TTC27: variants seen among roughly 807,000 people sequenced by gnomAD.
TTC27 encodes the protein tetratricopeptide repeat protein 27.
Under a neutral mutation model 115.9 loss-of-function variants are expected in TTC27, and 79 were observed. The ratio of observed to expected loss-of-function variants is 0.68; its 90% CI spans 0.57 to 0.82. TTC27 has a LOEUF of 0.82. Among genes scored for constraint, TTC27 ranks in the 40% least tolerant of loss-of-function variants. The pLI, the probability that TTC27 is intolerant of heterozygous loss-of-function variation, is 0.00. For missense variants in TTC27, 1,054 were observed against 993.1 expected (o/e 1.06, Z -0.82); for synonymous variants, 401 against 356.0 (o/e 1.13, Z -1.42).
At chr2:32,806,717 G>C (rs1380489886) in intron 16 of TTC27, among the ~76,000 whole-genome samples, 3 of 151,910 alleles carry the variant, frequency 2.0e-5, no homozygotes, top group African/African-American at 7.3e-5. Flanking sequence ...AGAGGCAGAG[G>C]TTGCAGTGAG....
intron 6 of TTC27, 46 bp from the exon 7 acceptor site, chr2:32,666,589 A>G: frequency 6.2e-7 from 1 of 1,601,916 alleles, no homozygotes; most frequent in Non-Finnish European, 8.5e-7. Flanking sequence ...ACTGTACAGT[A>G]GATCTCATGG....
At chr2:32,820,155 T>C (rs3769558) in intron 19 of TTC27, among the ~76,000 whole-genome samples, 97,750 of 152,140 alleles carry the variant, frequency 0.64, 32,095 homozygotes, top group African/African-American at 0.78. Context: ...CACGTGCACA[T>C]GTGTGCACAC....
At chr2:32,706,593 T>C (rs902723863) in intron 10 of TTC27, among the ~76,000 whole-genome samples, 2 of 152,112 alleles carry the variant, frequency 1.3e-5, no homozygotes, top group East Asian at 3.9e-4. Context: ...AGACAGAGTG[T>C]TACTCTTGTC....
chr2:32,655,246 TC>T (rs1665276062), intron 5 of TTC27, among the ~76,000 whole-genome samples: 1 of 152,004 alleles, frequency 6.6e-6, no homozygotes, highest in Non-Finnish European at 1.5e-5. Flanking sequence ...TGCCTTGGCC[TC>T]CCAAAGTGCT....
At chr2:32,731,560 G>A (rs1668292656) in intron 10 of TTC27, among the ~76,000 whole-genome samples, 1 of 152,036 alleles carries the variant, frequency 6.6e-6, no homozygotes, top group Admixed American at 6.5e-5. Context: ...CGATTTTTTT[G>A]TGGAGATGTG....
intron 10 of TTC27, among the ~76,000 whole-genome samples, chr2:32,719,764 T>C (rs1012436811): frequency 1.2e-4 from 19 of 152,110 alleles, no homozygotes; most frequent in African/African-American, 4.6e-4. Flanking sequence ...CCCCAGAGTT[T>C]CCCATGAAGA....
At chr2:32,745,054 CAAAAAAAAAAAAAAAAAA>C (rs57044153) in intron 12 of TTC27, among the ~76,000 whole-genome samples, 1 of 49,864 alleles carries the variant, frequency 2.0e-5, no homozygotes, top group African/African-American at 9.0e-5. Context: ...AACTCTGTCT[CAAAAAAAAAAAAAAAAAA>C]AAAAAAAAAG....
At chr2:32,815,484 G>A (rs1288224384) in intron 18 of TTC27, among the ~76,000 whole-genome samples, 5 of 151,804 alleles carry the variant, frequency 3.3e-5, no homozygotes, top group East Asian at 1.9e-4. Flanking sequence ...TGATCCGCCC[G>A]CCTCAGCCTC....
intron 9 of TTC27, among the ~76,000 whole-genome samples, chr2:32,685,839 A>G (rs1052820472): frequency 1.3e-5 from 2 of 152,194 alleles, no homozygotes; most frequent in Non-Finnish European, 2.9e-5. Flanking sequence ...TTCTAGTTGA[A>G]CTAGAATCCT....
intron 16 of TTC27, among the ~76,000 whole-genome samples, chr2:32,810,209 C>T (rs998728607): frequency 6.6e-6 from 1 of 151,686 alleles, no homozygotes; most frequent in South Asian, 2.1e-4. Flanking sequence ...AATGCATTAA[C>T]GGTTCATCAT....
intron 13 of TTC27, among the ~76,000 whole-genome samples, chr2:32,769,726 T>C (rs1253742455): frequency 6.6e-6 from 1 of 152,168 alleles, no homozygotes; most frequent in Non-Finnish European, 1.5e-5. Context: ...ACATTAACAT[T>C]ATAATAGCTA....
intron 7 of TTC27, 114 bp downstream of exon 7, chr2:32,666,882 C>G: frequency 7.9e-7 from 1 of 1,260,234 alleles, no homozygotes; most frequent in South Asian, 2.0e-5. Context: ...TTTATTCTTT[C>G]TTTTGCCTTT....
intron 10 of TTC27, chr2:32,704,837 G>T (rs1667311764): frequency 2.1e-6 from 1 of 470,324 alleles, no homozygotes; most frequent in South Asian, 1.6e-5. Flanking sequence ...TTGTAGAAAT[G>T]ATGTAGTACT....
At chr2:32,712,954 A>G (rs1197116325) in intron 10 of TTC27, among the ~76,000 whole-genome samples, 1 of 152,174 alleles carries the variant, frequency 6.6e-6, no homozygotes, top group African/African-American at 2.4e-5. Flanking sequence ...TTAATCCCCA[A>G]TGCAAAAGTA....
At chr2:32,679,748 T>G (rs953476806) in intron 9 of TTC27, among the ~76,000 whole-genome samples, 3 of 152,218 alleles carry the variant, frequency 2.0e-5, no homozygotes, top group African/African-American at 7.2e-5. Flanking sequence ...ATCCCAGCAC[T>G]TTGAGAGGCC....
chr2:32,711,418 A>G (rs1361200981), intron 10 of TTC27, among the ~76,000 whole-genome samples: 3 of 152,192 alleles, frequency 2.0e-5, no homozygotes, highest in African/African-American at 4.8e-5. Context: ...GTTTCTGTCA[A>G]TGTTGAGGCA....
intron 10 of TTC27, among the ~76,000 whole-genome samples, chr2:32,713,665 G>T (rs1172109921): frequency 6.6e-6 from 1 of 152,148 alleles, no homozygotes; most frequent in Non-Finnish European, 1.5e-5. Context: ...GCAGTTTTCT[G>T]TCCCTGAAGT....
chr2:32,661,587 T>C (rs1359082714), intron 5 of TTC27, among the ~76,000 whole-genome samples: 2 of 152,152 alleles, frequency 1.3e-5, no homozygotes, highest in Non-Finnish European at 2.9e-5. Context: ...TATTGGTGTA[T>C]AGGAATATGT....
intron 18 of TTC27, among the ~76,000 whole-genome samples, chr2:32,814,504 G>A (rs1671432289): frequency 6.6e-6 from 1 of 152,124 alleles, no homozygotes; most frequent in Admixed American, 6.5e-5. Context: ...GAAAGAATAA[G>A]CTGGATTTCT....
Sources: allele counts gnomAD v4.1 joint callset (sites outside exome capture counted in the v4.1 genomes callset), GRCh38; gene constraint gnomAD v4.1.1; transcripts MANE v1.5; gene names NCBI Gene and HGNC (gene_info 2026-07-23, HGNC 2026-07-21).